Variants in AGK observed in about 807,000 individuals in gnomAD.
AGK encodes acylglycerol kinase, mitochondrial.
In AGK, 52 loss-of-function variants were observed where a neutral mutation model predicts 66.4. That is an observed-to-expected ratio of 0.78 (90% CI 0.63 to 0.99). The LOEUF (loss-of-function observed/expected upper bound fraction) is 0.99, where lower values mean the gene tolerates loss of function less well. Ranked by LOEUF, AGK falls within the 50% of genes least tolerant of loss-of-function variation. The pLI is 0.00. For missense variants in AGK, 451 were observed against 506.6 expected, an observed-to-expected ratio of 0.89 and a Z score of 1.05; for synonymous variants, 182 against 181.1, an observed-to-expected ratio of 1.00 and a Z score of -0.04.
intron 4 of AGK, among the ~76,000 whole-genome samples, chr7:141,599,640 T>A (rs1355111748): frequency 2.0e-5 from 3 of 152,142 alleles, no homozygotes; most frequent in African/African-American, 7.2e-5. Context: ...AGGAAATAGA[T>A]CTGATCCACT....
In AGK at chr7:141,596,749, A is replaced by G. The variant is rs542121144; in HGVS notation, c.221+108A>G. The G allele has an allele frequency of 1.1e-5, 10 of 898,580 alleles. No individual in the cohort carries two copies. In the South Asian group the frequency reaches 1.4e-4, roughly 12 times the overall value. 55.7% of individuals were successfully genotyped at this position (898,580 alleles called of 1,614,324 possible). A position where few individuals can be genotyped will look rare whatever the true frequency, so the allele number is the denominator to read the frequency against. ...GTGTGGAATTGGAAGAACTAGGTTT[A>G]GTACTCTTCTAGCAATAAGATTCAT... is the stretch of plus-strand genomic sequence containing the variant. On this transcript the variant is annotated intron_variant, in intron 4 of 15. Coordinates refer to ENST00000649286, the MANE Select transcript of AGK (RefSeq NM_018238.4).
intron 10 of AGK, among the ~76,000 whole-genome samples, chr7:141,634,185 T>G (rs938253176): frequency 6.6e-6 from 1 of 152,208 alleles, no homozygotes; most frequent in Non-Finnish European, 1.5e-5. Context: ...TGCAGCTTCC[T>G]CAACACTAGC....
At position 141,584,911 on chromosome 7, in the gene AGK, G is replaced by A. The variant is rs115638607; in HGVS notation, c.102-8235G>A. ...TTGTCAATAGGATTTCTTCCTGACC[G>A]TTTATGCTTTCATGACATTAGGAAA... On this transcript the variant is annotated intron_variant, in intron 2 of 15. Transcript: ENST00000649286. 6.4e-3 allele frequency among the ~76,000 whole-genome samples: 976 copies of A among 152,236 alleles called. 10 individuals carry two copies. Among genetic ancestry groups the A allele is most frequent in the African/African-American group, 0.021 (861 of 41,556 alleles).
At chr7:141,601,169 G>C (rs377084901) in intron 4 of AGK, 36 bp from the exon 5 acceptor site, 9 of 1,485,756 alleles carry the variant, frequency 6.1e-6, no homozygotes, top group African/African-American at 2.8e-5. Flanking sequence ...TTGATAACCT[G>C]TGTTAAAATG....
At chr7:141,614,017 G>T in intron 6 of AGK, 129 bp from the exon 7 acceptor site, 1 of 639,546 alleles carries the variant, frequency 1.6e-6, no homozygotes, top group South Asian at 2.0e-5. Context: ...AAGATCCAGT[G>T]CATCTTTTAA....
intron 2 of AGK, among the ~76,000 whole-genome samples, chr7:141,574,692 A>G (rs767851764): frequency 3.9e-5 from 6 of 152,210 alleles, no homozygotes; most frequent in Non-Finnish European, 8.8e-5. Flanking sequence ...CCCATCCTGA[A>G]CTGGAGAGGG....
intron 13 of AGK, among the ~76,000 whole-genome samples, chr7:141,647,893 A>G (rs1427403541): frequency 6.6e-6 from 1 of 151,892 alleles, no homozygotes; most frequent in Non-Finnish European, 1.5e-5. Context: ...CTGGTCTCGA[A>G]CTCCTGACCT....
chr7:141,589,577 T>G (rs1379587997), intron 2 of AGK, among the ~76,000 whole-genome samples: 1 of 151,902 alleles, frequency 6.6e-6, no homozygotes, highest in African/African-American at 2.4e-5. Flanking sequence ...TTTTTTTTTT[T>G]GAGATGGAGT....
intron 2 of AGK, 63 bp from the exon 3 acceptor site, chr7:141,593,083 A>G: frequency 6.9e-7 from 1 of 1,459,020 alleles, no homozygotes; most frequent in Non-Finnish European, 9.5e-7. Context: ...AAAAGCTCAC[A>G]AATTTTGTTT....
intron 9 of AGK, among the ~76,000 whole-genome samples, chr7:141,623,120 C>A (rs1006976277): frequency 1.3e-5 from 2 of 152,094 alleles, no homozygotes; most frequent in African/African-American, 4.8e-5. Context: ...TGGCTCATGC[C>A]TGTAATCCCA....
At chr7:141,580,455 A>G (rs1162797123) in intron 2 of AGK, among the ~76,000 whole-genome samples, 1 of 151,988 alleles carries the variant, frequency 6.6e-6, no homozygotes. Flanking sequence ...AGATACAGTC[A>G]TGGGGGTCAG....
At chr7:141,636,456 C>T (rs1797172253) in intron 10 of AGK, among the ~76,000 whole-genome samples, 1 of 152,144 alleles carries the variant, frequency 6.6e-6, no homozygotes, top group African/African-American at 2.4e-5. Flanking sequence ...GAATTGGCTG[C>T]ACACCGAGTA....
At chr7:141,584,039 A>G (rs563513045) in intron 2 of AGK, among the ~76,000 whole-genome samples, 2 of 152,074 alleles carry the variant, frequency 1.3e-5, no homozygotes, top group Non-Finnish European at 2.9e-5. Flanking sequence ...CATGGCACCA[A>G]ATTTCACTCG....
chr7:141,610,979 C>T (rs1796573047), intron 5 of AGK, among the ~76,000 whole-genome samples: 1 of 152,220 alleles, frequency 6.6e-6, no homozygotes. Context: ...ATGGAGCTGA[C>T]TAGATGGTTT....
At chr7:141,644,802 C>CATTT (rs1797371505) in intron 13 of AGK, among the ~76,000 whole-genome samples, 2 of 151,954 alleles carry the variant, frequency 1.3e-5, no homozygotes, top group Non-Finnish European at 2.9e-5. Context: ...ATGTTCTTTC[C>CATTT]AAATAGAAAG....
intron 5 of AGK, among the ~76,000 whole-genome samples, chr7:141,602,175 G>T (rs1057349331): frequency 7.1e-6 from 1 of 141,212 alleles, no homozygotes; most frequent in South Asian, 2.5e-4. Context: ...AGATTTTCTT[G>T]TGTGTGTGTG....
At chr7:141,652,614 C>A in intron 15 of AGK, 173 bp from the exon 16 acceptor site, 1 of 567,270 alleles carries the variant, frequency 1.8e-6, no homozygotes, top group Non-Finnish European at 3.1e-6. Context: ...AGAACCAGCA[C>A]TGTGCCCATC....
intron 6 of AGK, 38 bp from the exon 7 acceptor site, chr7:141,614,108 A>G (rs767746546): frequency 3.6e-6 from 5 of 1,382,104 alleles, no homozygotes; most frequent in Non-Finnish European, 5.1e-6. Context: ...AAGGAAATAC[A>G]TATTATTTAT....
chr7:141,622,360 G>A (rs1338604606), intron 9 of AGK, among the ~76,000 whole-genome samples: 1 of 152,176 alleles, frequency 6.6e-6, no homozygotes, highest in Non-Finnish European at 1.5e-5. Context: ...GCATTTCACA[G>A]ATATTGTGCT....
Sources: gnomAD v4.1 joint callset for allele counts (sites outside exome capture counted in the v4.1 genomes callset) on GRCh38, gnomAD v4.1.1 for gene constraint, MANE v1.5 for transcripts, NCBI Gene and HGNC (gene_info 2026-07-23, HGNC 2026-07-21) for gene names.